CACNA2D3: variants seen among roughly 807,000 people sequenced by gnomAD.
CACNA2D3 encodes the protein voltage-dependent calcium channel subunit alpha-2/delta-3.
CACNA2D3 carries 60 observed loss-of-function variants against 160.6 expected under a neutral mutation model. The ratio of observed to expected loss-of-function variants is 0.37; its 90% CI spans 0.30 to 0.46. CACNA2D3 has a LOEUF of 0.46. Ranked by LOEUF, CACNA2D3 falls within the 20% of genes least tolerant of loss-of-function variation. The pLI is 1.00. For missense variants in CACNA2D3, 1,205 were observed against 1,365.0 expected (o/e 0.88, Z 1.85); for synonymous variants, 558 against 492.9 (o/e 1.13, Z -1.75).
chr3:54,255,870 A>C (rs1232700435), intron 2 of CACNA2D3, among the ~76,000 whole-genome samples: 1 of 152,174 alleles, frequency 6.6e-6, no homozygotes, highest in Admixed American at 6.5e-5. Flanking sequence ...TTCCAGAATT[A>C]ATCATTTTAC....
At chr3:54,325,778 G>C (rs552686317) in intron 3 of CACNA2D3, among the ~76,000 whole-genome samples, 3 of 152,182 alleles carry the variant, frequency 2.0e-5, no homozygotes, top group African/African-American at 7.2e-5. Context: ...CCTACTCAGT[G>C]ATGAGCCAAT....
In CACNA2D3 at chr3:54,415,437, T is replaced by C. The variant is rs529299327; in HGVS notation, c.381+28663T>C. On this transcript the variant is annotated intron_variant, in intron 4 of 37. Coordinates refer to ENST00000474759, the MANE Select transcript of CACNA2D3 (RefSeq NM_018398.3). The stretch of plus-strand genomic sequence containing the variant: ...GGAATTAGAATTAATTCTTTTCTAC[T>C]TTCAAGTTATTTTTTGATGTAGATT... Among the ~76,000 whole-genome samples, 10 of 152,352 alleles carry C rather than the reference T, an allele frequency of 6.6e-5. No homozygotes were observed. The South Asian group carries it at 2.1e-3, about 32-fold the overall frequency.
At chr3:54,260,964 AT>A (rs1380978835) in intron 2 of CACNA2D3, among the ~76,000 whole-genome samples, 1 of 152,032 alleles carries the variant, frequency 6.6e-6, no homozygotes, top group Non-Finnish European at 1.5e-5. Context: ...CTCTGAATTC[AT>A]TTCCTGTTTG....
chr3:54,463,249 G>A (rs533187188), intron 4 of CACNA2D3, among the ~76,000 whole-genome samples: 12 of 151,968 alleles, frequency 7.9e-5, no homozygotes, highest in East Asian at 1.9e-4. Context: ...TGACAATTAC[G>A]TGTCTTGGAG....
chr3:54,538,181 C>G (rs6414585), intron 5 of CACNA2D3, among the ~76,000 whole-genome samples: 152,213 of 152,216 alleles, frequency 1, 76,105 homozygotes, highest in Non-Finnish European at 1. Context: ...CCCTGCCACT[C>G]TCCACCCCAT....
chr3:54,462,831 G>T (rs1449247630), intron 4 of CACNA2D3, among the ~76,000 whole-genome samples: 1 of 151,056 alleles, frequency 6.6e-6, no homozygotes, highest in Non-Finnish European at 1.5e-5. Flanking sequence ...ACGTTAGCTG[G>T]TGATTTTGCT....
chr3:54,179,618 C>A (rs1700744312), intron 2 of CACNA2D3, among the ~76,000 whole-genome samples: 1 of 152,180 alleles, frequency 6.6e-6, no homozygotes, highest in African/African-American at 2.4e-5. Flanking sequence ...TATGTTAAAA[C>A]CGAATTTGTA....
chr3:55,018,639 A>G (rs1703379314), intron 35 of CACNA2D3, among the ~76,000 whole-genome samples: 1 of 151,726 alleles, frequency 6.6e-6, no homozygotes, highest in South Asian at 2.1e-4. Context: ...GTGTTCAAGA[A>G]TGTCCTTACG....
At chr3:54,553,977 G>A (rs1288733913) in intron 5 of CACNA2D3, among the ~76,000 whole-genome samples, 1 of 152,184 alleles carries the variant, frequency 6.6e-6, no homozygotes, top group Non-Finnish European at 1.5e-5. Context: ...CAGGAAACTT[G>A]CCTATCTGCT....
At chr3:54,879,291 A>G (rs1308332349) in intron 19 of CACNA2D3, 59 bp from the exon 20 acceptor site, 3 of 1,297,450 alleles carry the variant, frequency 2.3e-6, no homozygotes, top group African/African-American at 1.5e-5. Flanking sequence ...TGAAGACGTC[A>G]CTTAGCAGAC....
chr3:54,944,628 A>G (rs530002308), intron 27 of CACNA2D3, among the ~76,000 whole-genome samples: 145 of 151,980 alleles, frequency 9.5e-4, no homozygotes, highest in Non-Finnish European at 1.9e-3. Flanking sequence ...TCACCGTGTT[A>G]GCCAGGATGG....
chr3:54,735,681 G>A (rs890347073), intron 11 of CACNA2D3, among the ~76,000 whole-genome samples: 15 of 151,912 alleles, frequency 9.9e-5, no homozygotes, highest in Middle Eastern at 3.2e-3. Context: ...TGCATGATGT[G>A]TTTGCTACCT....
intron 13 of CACNA2D3, among the ~76,000 whole-genome samples, chr3:54,814,460 G>C (rs1053272879): frequency 2.0e-5 from 3 of 152,224 alleles, no homozygotes; most frequent in Admixed American, 6.5e-5. Context: ...AGTCATGAAT[G>C]CTGGGTGACA....
At chr3:54,263,347 G>T (rs1233948933) in intron 2 of CACNA2D3, among the ~76,000 whole-genome samples, 1 of 152,160 alleles carries the variant, frequency 6.6e-6, no homozygotes, top group African/African-American at 2.4e-5. Flanking sequence ...CTTAATGTTT[G>T]CCAGACAGTG....
chr3:54,767,923 A>G (rs1431839442), intron 13 of CACNA2D3, among the ~76,000 whole-genome samples: 1 of 152,148 alleles, frequency 6.6e-6, no homozygotes, highest in East Asian at 1.9e-4. Flanking sequence ...AACAAATCCC[A>G]AACAGATGAA....
chr3:54,736,093 A>G (rs1348352367), intron 11 of CACNA2D3, among the ~76,000 whole-genome samples: 2 of 18,054 alleles, frequency 1.1e-4, no homozygotes, highest in African/African-American at 2.4e-4. Flanking sequence ...GTATGTGTAT[A>G]TATATACATA....
intron 4 of CACNA2D3, among the ~76,000 whole-genome samples, chr3:54,462,514 C>A (rs1700526164): frequency 6.6e-6 from 1 of 152,108 alleles, no homozygotes; most frequent in African/African-American, 2.4e-5. Context: ...GAATTGATCC[C>A]TTTACCATTA....
chr3:54,510,985 G>A (rs1401772773), intron 5 of CACNA2D3, among the ~76,000 whole-genome samples: 4 of 152,112 alleles, frequency 2.6e-5, no homozygotes, highest in Admixed American at 6.5e-5. Context: ...GTGCAAACAC[G>A]CTCACAAACC....
intron 2 of CACNA2D3, among the ~76,000 whole-genome samples, chr3:54,149,943 C>T (rs1452813067): frequency 8.4e-6 from 1 of 118,502 alleles, no homozygotes; most frequent in Non-Finnish European, 1.8e-5. Context: ...CTCCCTCCCT[C>T]CCTCCCTCCC....
Sources: gnomAD v4.1 joint callset for allele counts (sites outside exome capture counted in the v4.1 genomes callset) on GRCh38, gnomAD v4.1.1 for gene constraint, MANE v1.5 for transcripts, NCBI Gene and HGNC (gene_info 2026-07-23, HGNC 2026-07-21) for gene names.